Variants in MAP1LC3A observed in about 807,000 individuals in gnomAD.
MAP1LC3A encodes the protein microtubule-associated protein 1 light chain 3 alpha.
In MAP1LC3A, 10 loss-of-function variants were observed where a neutral mutation model predicts 15.2. The observed-to-expected ratio is 0.66, with a 90% confidence interval of 0.41 to 1.12. The LOEUF (loss-of-function observed/expected upper bound fraction) is 1.12. MAP1LC3A is among the 50% of genes most tolerant of loss of function. The probability of loss-of-function intolerance (pLI) is 0.00; values close to 1 mark genes in which losing one functional copy is unlikely to be tolerated. For synonymous variants in MAP1LC3A, 63 were observed against 64.3 expected (o/e 0.98, Z 0.10); for missense variants, 138 against 167.3 (o/e 0.82, Z 0.97).
upstream of MAP1LC3A, among the ~76,000 whole-genome samples, chr20:34,553,720 G>T (rs914200072): frequency 6.6e-6 from 1 of 152,098 alleles, no homozygotes; most frequent in South Asian, 2.1e-4. Flanking sequence ...GCTGTCTAAG[G>T]CCACTACAGC....
intron 2 of MAP1LC3A, among the ~76,000 whole-genome samples, chr20:34,550,672 A>G (rs1219669803): frequency 6.6e-6 from 1 of 152,250 alleles, no homozygotes; most frequent in Non-Finnish European, 1.5e-5. Context: ...ACTCCCGCAC[A>G]TCGCTGATGG....
chr20:34,549,042 TTTTTG>T (rs1981848286), intron 1 of MAP1LC3A, among the ~76,000 whole-genome samples: 1 of 149,662 alleles, frequency 6.7e-6, no homozygotes, highest in Admixed American at 6.7e-5. Flanking sequence ...TTTGGTTTTG[TTTTTG>T]TTTTGATAGT....
upstream of MAP1LC3A, among the ~76,000 whole-genome samples, chr20:34,555,298 C>A (rs1982114174): frequency 6.6e-6 from 1 of 151,992 alleles, no homozygotes; most frequent in Non-Finnish European, 1.5e-5. Flanking sequence ...GAATGCACCA[C>A]CACACCCAGC....
Position 34,551,606 on chromosome 20 carries a change from C to T in MAP1LC3A, c.52+1577C>T, listed in dbSNP as rs144773665. ...CCGATTCAGGAGGTAGCTGGGATTACAGGTGCCTGCCATCACGCCTGGCTA... is the reference window on the plus strand; with the variant it reads ...CCGATTCAGGAGGTAGCTGGGATTATAGGTGCCTGCCATCACGCCTGGCTA... On this transcript the variant is annotated intron_variant, in intron 2 of 4. Transcript: ENST00000374837. Among the ~76,000 whole-genome samples, 403 of 150,406 alleles carry T rather than the reference C, an allele frequency of 2.7e-3. 5 individuals carry two copies. In the South Asian group the frequency reaches 0.032, roughly 12 times the overall value.
In MAP1LC3A at chr20:34,560,071, C is replaced by T. The variant is rs1044027319; in HGVS notation, c.*173C>T. On this transcript the variant is annotated 3_prime_UTR_variant, in exon 4 of 4. Transcript: ENST00000360668. Reference sequence around the variant, plus strand: ...CTCTGCCCCTGGGTGGATCCTGGGCCGGTCGTGTTAGGGTTGTCCCTCTGG... The same window carrying T: ...CTCTGCCCCTGGGTGGATCCTGGGCTGGTCGTGTTAGGGTTGTCCCTCTGG... 2.0e-4 allele frequency: 77 copies of T among 389,430 alleles called. No homozygotes were observed. The highest frequency in any genetic ancestry group is 1.8e-3 in the Middle Eastern group (2 of 1,130). The allele number at this position is 389,430 out of a possible 1,614,324, so 24.1% of individuals were successfully genotyped here.
At chr20:34,558,401 A>G, upstream of MAP1LC3A, 1 of 990,042 alleles carries the variant, frequency 1.0e-6, no homozygotes, top group South Asian at 4.6e-5. This position sits in a 1 kb window ranked among gnomAD's most constrained non-coding sequence, Gnocchi z 4.3. Context: ...GAACCGCGTC[A>G]GTCCTGACAC....
At chr20:34,559,304 C>T (rs772732574) in intron 2 of MAP1LC3A, 41 bp downstream of exon 2, 4 of 1,576,996 alleles carry the variant, frequency 2.5e-6, no homozygotes, top group Non-Finnish European at 3.4e-6. Context: ...CCCCGCCTCG[C>T]GCGTTCCCGA....
chr20:34,549,941 C>T, exon 2 of MAP1LC3A: 1 of 1,604,528 alleles, frequency 6.2e-7, no homozygotes. Context: ...TGACCCTCCA[C>T]CTCAGAGGTA....
upstream of MAP1LC3A, among the ~76,000 whole-genome samples, chr20:34,555,913 A>G (rs1463349493): frequency 6.8e-6 from 1 of 146,096 alleles, no homozygotes; most frequent in African/African-American, 2.6e-5. Context: ...CGCGATCTCC[A>G]TTTACTGCAA....
At chr20:34,549,586 A>G (rs892013140) in intron 1 of MAP1LC3A, among the ~76,000 whole-genome samples, 3 of 152,232 alleles carry the variant, frequency 2.0e-5, no homozygotes, top group Non-Finnish European at 4.4e-5. Context: ...TGGCCCCGCC[A>G]TGGGCAGTGT....
At chr20:34,551,983 G>T (rs932391480) in intron 2 of MAP1LC3A, among the ~76,000 whole-genome samples, 3 of 152,186 alleles carry the variant, frequency 2.0e-5, no homozygotes, top group African/African-American at 7.2e-5. Flanking sequence ...GGACAGAGAC[G>T]TAATAAAGCA....
upstream of MAP1LC3A, chr20:34,558,359 C>G (rs118150757): frequency 4.7e-4 from 462 of 987,532 alleles, 9 homozygotes; most frequent in East Asian, 0.038. The surrounding 1 kb of genome is among the most constrained non-coding windows in gnomAD (Gnocchi z 4.3). Context: ...AGGCGCCGGG[C>G]CTTTGGCTCC....
chr20:34,559,229 A>G lies in MAP1LC3A; in HGVS notation c.62A>G (p.Gln21Arg). 6.2e-7 allele frequency: 1 copy of G among 1,605,038 alleles called. No homozygotes were observed. ...GCAGCCGACCGCTGTAAGGAGGTAC[A>G]GCAGATCCGCGACCAGCACCCCAGC... ...RSFADRCKEV[Q>R]QIRDQHPSKI... Residue 21 changes from glutamine (Q) to arginine (R), a missense_variant, in exon 2 of 4, where the codon CAG becomes CGG. By Grantham distance (43) the Gln-to-Arg change is conservative (BLOSUM62 1). Coordinates refer to ENST00000360668, the MANE Select transcript of MAP1LC3A (RefSeq NM_032514.4).
intron 1 of MAP1LC3A, chr20:34,549,852 C>A: frequency 1.3e-6 from 1 of 742,906 alleles, no homozygotes; most frequent in South Asian, 1.6e-5. Flanking sequence ...CGTCCAGAGT[C>A]AGTCCCTCCT....
At chr20:34,559,324 C>T in intron 2 of MAP1LC3A, 23 bp from the exon 3 acceptor site, 2 of 1,589,820 alleles carry the variant, frequency 1.3e-6, no homozygotes. Flanking sequence ...ACACGACCCC[C>T]TGCCCGCCCG....
intron 2 of MAP1LC3A, among the ~76,000 whole-genome samples, chr20:34,553,487 G>C (rs1399228610): frequency 1.3e-5 from 2 of 152,282 alleles, no homozygotes; most frequent in East Asian, 3.9e-4. Flanking sequence ...GTTCAGGGCT[G>C]AGTCTGACAA....
chr20:34,554,905 A>T (rs1396480206), upstream of MAP1LC3A, among the ~76,000 whole-genome samples: 1 of 145,888 alleles, frequency 6.9e-6, no homozygotes, highest in Non-Finnish European at 1.5e-5. Context: ...ATGGGGTTTC[A>T]CCATATTGCC....
At chr20:34,550,747 A>G (rs1248459282) in intron 2 of MAP1LC3A, among the ~76,000 whole-genome samples, 1 of 152,204 alleles carries the variant, frequency 6.6e-6, no homozygotes, top group African/African-American at 2.4e-5. Context: ...CCTGCCCCCA[A>G]AGCCAGCATA....
In MAP1LC3A at chr20:34,559,742, C is replaced by T. The variant is rs1197086825; in HGVS notation, c.210C>T (p.Arg70=). Residue 70 remains arginine, a synonymous_variant, in exon 4 of 4, where the codon CGC becomes CGT. Coordinates refer to ENST00000360668, the MANE Select transcript of MAP1LC3A (RefSeq NM_032514.4). ...ACTCTCCCGCCGGCTGCAGGCGCCG[C>T]CTGCAGCTGAACCCCACGCAGGCCT... ...MSELVKIIRR[R]LQLNPTQAFF... The T allele has an allele frequency of 1.2e-6, 2 of 1,602,796 alleles. No homozygotes were observed. The highest frequency in any genetic ancestry group is 1.7e-6 in the Non-Finnish European group (2 of 1,177,192).
Sources: allele counts gnomAD v4.1 joint callset (sites outside exome capture counted in the v4.1 genomes callset), GRCh38; gene constraint gnomAD v4.1.1; non-coding constraint Gnocchi (gnomAD v3.1); transcripts MANE v1.5; gene names NCBI Gene and HGNC (gene_info 2026-07-23, HGNC 2026-07-21).